Variants in LRRC72 observed in about 807,000 individuals in gnomAD.
LRRC72 encodes the protein leucine-rich repeat-containing protein 72.
Under a neutral mutation model 35.8 loss-of-function variants are expected in LRRC72, and 41 were observed. The observed-to-expected ratio is 1.15, with a 90% CI of 0.89 to 1.49. LRRC72 has a LOEUF of 1.49. Among genes scored for constraint, LRRC72 ranks in the 40% most tolerant of loss-of-function variants. LRRC72 has a pLI of 0.00. For synonymous variants in LRRC72, 118 were observed against 119.2 expected, an observed-to-expected ratio of 0.99 and a Z score of 0.07; for missense variants, 389 against 330.7, an observed-to-expected ratio of 1.18 and a Z score of -1.37.
At chr7:16,559,989 A>C (rs1192339540) in intron 5 of LRRC72, among the ~76,000 whole-genome samples, 1 of 152,202 alleles carries the variant, frequency 6.6e-6, no homozygotes, top group Non-Finnish European at 1.5e-5. Context: ...TATTGGAAAG[A>C]AGTGTGAGAT....
intron 1 of LRRC72, among the ~76,000 whole-genome samples, chr7:16,531,276 T>C (rs1782158032): frequency 6.6e-6 from 1 of 151,632 alleles, no homozygotes; most frequent in Admixed American, 6.6e-5. Context: ...AAGCCCCAGG[T>C]CGGCTTGTGT....
At chr7:16,534,571 A>G (rs1159127449) in intron 2 of LRRC72, among the ~76,000 whole-genome samples, 4 of 152,202 alleles carry the variant, frequency 2.6e-5, no homozygotes, top group Non-Finnish European at 5.9e-5. Flanking sequence ...TAATACTTTA[A>G]AGTTTTAGTG....
At chr7:16,564,429 C>G (rs1174593080) in intron 5 of LRRC72, among the ~76,000 whole-genome samples, 1 of 151,862 alleles carries the variant, frequency 6.6e-6, no homozygotes, top group African/African-American at 2.4e-5. Context: ...CCCTGTCCTG[C>G]AGTTATAATT....
chr7:16,579,526 C>T (rs966814475), intron 7 of LRRC72, among the ~76,000 whole-genome samples: 3 of 151,666 alleles, frequency 2.0e-5, no homozygotes, highest in African/African-American at 7.3e-5. Flanking sequence ...TGGAAGACAC[C>T]GTAAGAAATC....
chr7:16,565,125 A>G (rs1458883192), intron 5 of LRRC72, among the ~76,000 whole-genome samples: 1 of 152,152 alleles, frequency 6.6e-6, no homozygotes, highest in South Asian at 2.1e-4. Flanking sequence ...TAGAAATTGC[A>G]TGTAGGTAGG....
chr7:16,576,140 G>A (rs1419132458), intron 7 of LRRC72, among the ~76,000 whole-genome samples: 1 of 152,082 alleles, frequency 6.6e-6, no homozygotes, highest in African/African-American at 2.4e-5. Context: ...TTCCACAAAA[G>A]GCCGCTATAT....
intron 7 of LRRC72, among the ~76,000 whole-genome samples, chr7:16,570,593 C>T (rs1436641529): frequency 2.0e-5 from 3 of 152,022 alleles, no homozygotes; most frequent in South Asian, 2.1e-4. Flanking sequence ...GCTAGGTGGG[C>T]GGATCACCTG....
At chr7:16,577,973 A>C (rs997434204) in intron 7 of LRRC72, among the ~76,000 whole-genome samples, 35 of 152,214 alleles carry the variant, frequency 2.3e-4, no homozygotes, top group African/African-American at 8.4e-4. Context: ...GTATCCACCA[A>C]CATATAAAAT....
At position 16,537,612 on chromosome 7, in the gene LRRC72, T is replaced by C. The variant is rs1415089628; in HGVS notation, c.165-15T>C. On this transcript the variant is annotated splice_polypyrimidine_tract_variant and intron_variant, in intron 2 of 8. Coordinates refer to ENST00000401542, the MANE Select transcript of LRRC72 (RefSeq NM_001195280.2). Reference sequence around the variant, plus strand: ...CTAATTGTTGCTAATGTTCACATTTTTTTTTTCTTTCCAGGGAACTGACAG... The same window carrying C: ...CTAATTGTTGCTAATGTTCACATTTCTTTTTTCTTTCCAGGGAACTGACAG... The C allele has an allele frequency of 2.0e-6, 3 of 1,480,144 alleles. No individual in the cohort carries two copies. The highest frequency in any genetic ancestry group is 4.6e-5 in the Admixed American group (2 of 43,572). The allele number at this position is 1,480,144 out of a possible 1,614,324, so 91.7% of individuals were successfully genotyped here.
chr7:16,532,758 A>G, intron 2 of LRRC72, 190 bp downstream of exon 2: 1 of 652,244 alleles, frequency 1.5e-6, no homozygotes. Flanking sequence ...GATTAAAAAA[A>G]AAAAAATTAT....
At chr7:16,531,692 C>T (rs1524362) in intron 1 of LRRC72, among the ~76,000 whole-genome samples, 70,284 of 151,956 alleles carry the variant, frequency 0.46, 16,370 homozygotes, top group East Asian at 0.61. Flanking sequence ...GCTCTACTTT[C>T]TCATGGAAAA....
chr7:16,558,958 C>CA lies in LRRC72; in HGVS notation c.387dup (p.Val130SerfsTer24). The CA allele has an allele frequency of 6.5e-7, 1 of 1,535,720 alleles. No homozygotes were observed. The highest frequency in any genetic ancestry group is 8.8e-7 in the Non-Finnish European group (1 of 1,137,774). On this transcript the variant is annotated frameshift_variant, in exon 5 of 9. Transcript: ENST00000401542. LOFTEE classifies it high-confidence loss of function. ...AATGAGCTAACCAACATTGATGCAA[C>CA]AGTGAAGGAATTAAAGGGAATGCTA...
Position 16,581,552 on chromosome 7 carries a change from G to A in LRRC72, c.*63G>A. On this transcript the variant is annotated 3_prime_UTR_variant, in exon 9 of 9. Transcript: ENST00000401542. ...GTATATTAAACTTCCCTGTGACTTAGCATATTACATACTTACAATGATATT... is the reference window on the plus strand; with the variant it reads ...GTATATTAAACTTCCCTGTGACTTAACATATTACATACTTACAATGATATT... 1 of 1,223,546 alleles carries A rather than the reference G, an allele frequency of 8.2e-7. No homozygotes were observed. The highest frequency in any genetic ancestry group is 1.1e-6 in the Non-Finnish European group (1 of 925,594). 75.8% of individuals were successfully genotyped at this position (1,223,546 alleles called of 1,614,324 possible). A position where few individuals can be genotyped will look rare whatever the true frequency, so the allele number is the denominator to read the frequency against.
At chr7:16,546,491 T>C (rs1314161486) in intron 3 of LRRC72, among the ~76,000 whole-genome samples, 3 of 151,946 alleles carry the variant, frequency 2.0e-5, no homozygotes, top group Non-Finnish European at 2.9e-5. Flanking sequence ...GGGGGCAAAA[T>C]TCCCCCCACC....
intron 3 of LRRC72, among the ~76,000 whole-genome samples, chr7:16,541,441 A>T (rs1279023553): frequency 6.6e-6 from 1 of 152,228 alleles, no homozygotes; most frequent in East Asian, 1.9e-4. Flanking sequence ...TTAAACACCA[A>T]CTAAGTGGAA....
chr7:16,566,197 A>G, intron 5 of LRRC72, 116 bp from the exon 6 acceptor site: 2 of 600,868 alleles, frequency 3.3e-6, no homozygotes, highest in African/African-American at 1.9e-5. Context: ...GATATGGAGA[A>G]GAGCTTTACA....
At chr7:16,565,764 C>A (rs1372121178) in intron 5 of LRRC72, among the ~76,000 whole-genome samples, 1 of 152,162 alleles carries the variant, frequency 6.6e-6, no homozygotes, top group Non-Finnish European at 1.5e-5. Flanking sequence ...GATGCAAGAG[C>A]CACTTCTGCT....
chr7:16,576,407 G>A (rs2128339287), intron 7 of LRRC72, among the ~76,000 whole-genome samples: 1 of 152,188 alleles, frequency 6.6e-6, no homozygotes, highest in Non-Finnish European at 1.5e-5. Context: ...TGTTTATGAG[G>A]CAATTGTAAA....
At chr7:16,531,252 C>T (rs770585773) in intron 1 of LRRC72, among the ~76,000 whole-genome samples, 3 of 151,866 alleles carry the variant, frequency 2.0e-5, no homozygotes, top group Non-Finnish European at 4.4e-5. Flanking sequence ...AAGCCTGATC[C>T]AATGGGTTTT....
Sources: allele counts gnomAD v4.1 joint callset (sites outside exome capture counted in the v4.1 genomes callset), GRCh38; gene constraint gnomAD v4.1.1; transcripts MANE v1.5; gene names NCBI Gene and HGNC (gene_info 2026-07-23, HGNC 2026-07-21).